The following CA8 variants were observed in gnomAD, a reference collection of about 807,000 sequenced individuals.
The protein encoded by CA8 is carbonic anhydrase 8 (inactive).
Under a neutral mutation model 41.4 loss-of-function variants are expected in CA8, and 22 were observed. The observed-to-expected ratio is 0.53, with a 90% CI of 0.38 to 0.76. CA8 has a LOEUF of 0.76. Ranked by LOEUF, CA8 falls within the 30% of genes least tolerant of loss-of-function variation. The pLI, the probability that CA8 is intolerant of heterozygous loss-of-function variation, is 0.00. For missense variants in CA8, 270 were observed against 352.8 expected, an observed-to-expected ratio of 0.77 and a Z score of 1.88; for synonymous variants, 121 against 130.6, an observed-to-expected ratio of 0.93 and a Z score of 0.50.
chr8:60,278,710 A>G (rs1387910127), intron 2 of CA8, among the ~76,000 whole-genome samples: 1 of 152,222 alleles, frequency 6.6e-6, no homozygotes, highest in East Asian at 1.9e-4. Context: ...ATCTATGACT[A>G]TCTCATGGAT....
intron 4 of CA8, among the ~76,000 whole-genome samples, chr8:60,230,044 G>T (rs556526864): frequency 1.4e-4 from 21 of 152,226 alleles, no homozygotes; most frequent in Non-Finnish European, 1.0e-4. Context: ...TCCCCTTCTG[G>T]TCTATTTCAA....
At chr8:60,255,750 T>C (rs536114705) in intron 3 of CA8, among the ~76,000 whole-genome samples, 2 of 152,314 alleles carry the variant, frequency 1.3e-5, no homozygotes, top group African/African-American at 2.4e-5. Context: ...AACAAAACTA[T>C]ACTGCCCTAT....
rs192069234 is a variant in CA8, at chr8:60,273,991, C to G, written c.292+5698G>C. 3.1e-3 allele frequency among the ~76,000 whole-genome samples: 466 copies of G among 152,270 alleles called. 2 individuals are homozygous for G. The highest frequency in any genetic ancestry group is 4.8e-3 in the Non-Finnish European group (324 of 68,022). On this transcript the variant is annotated intron_variant, in intron 2 of 8. Transcript: ENST00000317995. The stretch of plus-strand genomic sequence containing the variant: ...TAAATTATACTACAACTGTTCTAAA[C>G]CTTTTTGGCAATTATTTATGATTTG...
intron 3 of CA8, among the ~76,000 whole-genome samples, chr8:60,240,046 G>A (rs565696302): frequency 1.6e-4 from 25 of 152,278 alleles, no homozygotes; most frequent in African/African-American, 4.1e-4. Context: ...AGAAACTGAC[G>A]GGGGACCAAA....
intron 1 of CA8, 124 bp from the exon 2 acceptor site, chr8:60,280,004 A>G: frequency 1.4e-6 from 1 of 698,036 alleles, no homozygotes; most frequent in Non-Finnish European, 2.3e-6. Context: ...CCATCACTAT[A>G]CAGATGAAAT....
chr8:60,268,454 C>G (rs1328700793), intron 2 of CA8, among the ~76,000 whole-genome samples: 3 of 152,164 alleles, frequency 2.0e-5, no homozygotes, highest in Non-Finnish European at 4.4e-5. Context: ...TTTCAGGGAA[C>G]CATAAAGAGA....
At chr8:60,200,863 G>A (rs1806405369) in intron 8 of CA8, among the ~76,000 whole-genome samples, 8 of 151,890 alleles carry the variant, frequency 5.3e-5, no homozygotes, top group Admixed American at 5.3e-4. Context: ...AGTGCTATAG[G>A]TCTTCTTGTC....
intron 3 of CA8, 108 bp from the exon 4 acceptor site, chr8:60,232,487 C>A (rs538581020): frequency 2.5e-6 from 2 of 803,874 alleles, no homozygotes; most frequent in Middle Eastern, 2.2e-4. Context: ...TCACATACCA[C>A]AAGAGGATCA....
intron 3 of CA8, among the ~76,000 whole-genome samples, chr8:60,254,457 C>T (rs1195749948): frequency 6.6e-6 from 1 of 152,172 alleles, no homozygotes; most frequent in Admixed American, 6.6e-5. Context: ...GAATAGAAAA[C>T]AGCAAGATTG....
intron 8 of CA8, among the ~76,000 whole-genome samples, chr8:60,194,330 G>C (rs1024513497): frequency 1.3e-5 from 2 of 152,116 alleles, no homozygotes; most frequent in Non-Finnish European, 1.5e-5. Flanking sequence ...TGGAGGCGGA[G>C]GGCACCGTGG....
chr8:60,271,114 G>A (rs544180184), intron 2 of CA8, among the ~76,000 whole-genome samples: 8 of 152,252 alleles, frequency 5.3e-5, no homozygotes, highest in East Asian at 3.9e-4. Flanking sequence ...AAGCCAAGGC[G>A]GGAGGATCAT....
At chr8:60,201,128 C>A (rs1302047768) in intron 8 of CA8, among the ~76,000 whole-genome samples, 3 of 152,112 alleles carry the variant, frequency 2.0e-5, no homozygotes, top group Non-Finnish European at 4.4e-5. Flanking sequence ...ATGCACGGCT[C>A]ACGTTTCAAA....
At chr8:60,191,817 C>G (rs555348674) in intron 8 of CA8, among the ~76,000 whole-genome samples, 1 of 152,232 alleles carries the variant, frequency 6.6e-6, no homozygotes, top group East Asian at 1.9e-4. Context: ...CACAGTCATT[C>G]TAATCATACG....
chr8:60,259,760 G>A (rs1251781136), intron 3 of CA8, among the ~76,000 whole-genome samples: 49 of 143,512 alleles, frequency 3.4e-4, no homozygotes, highest in Non-Finnish European at 5.7e-4. Flanking sequence ...TTTTTGCCAA[G>A]ATGTGAGAGG....
At chr8:60,190,099 G>A (rs1806072764) in intron 8 of CA8, 114 bp from the exon 9 acceptor site, 3 of 151,266 alleles carry the variant, frequency 2.0e-5, no homozygotes, top group Middle Eastern at 6.9e-3. Context: ...AATTTCATAA[G>A]AAAATGTGGA....
chr8:60,215,670 A>T (rs1337298886), intron 7 of CA8, among the ~76,000 whole-genome samples: 4 of 152,174 alleles, frequency 2.6e-5, no homozygotes, highest in Admixed American at 2.6e-4. Flanking sequence ...TACATAAGGC[A>T]TGCTAACCAG....
At chr8:60,244,033 G>A (rs1808134917) in intron 3 of CA8, among the ~76,000 whole-genome samples, 1 of 152,074 alleles carries the variant, frequency 6.6e-6, no homozygotes, top group African/African-American at 2.4e-5. Flanking sequence ...ATATTTTAAA[G>A]TTAGCATTTA....
Position 60,208,853 on chromosome 8 carries a change from T to A in CA8, c.805A>T (p.Ile269Phe). The change falls in exon 8 of 9, where the codon ATT (isoleucine) becomes TTT (phenylalanine). Residue 269 changes from isoleucine (I) to phenylalanine (F), a missense_variant. This residue lies in a region of CA8 where 141 missense variants were observed against 191.6 expected (regional missense o/e 0.74). Transcript: ENST00000317995. ...GTGGGCCGAAAGTTGTCTCCCAAAA[T>A]CCCATCACAGCCTTCCACAAGTTCT... ...GAELVEGCDG[I>F]LGDNFRPTQP... The A allele has an allele frequency of 6.2e-7, 1 of 1,614,106 alleles. No homozygotes were observed. The highest frequency in any genetic ancestry group is 8.5e-7 in the Non-Finnish European group (1 of 1,179,986).
chr8:60,279,710 C>G lies in CA8; in HGVS notation c.271G>C (p.Val91Leu). 1 of 1,614,122 alleles carries G rather than the reference C, an allele frequency of 6.2e-7. No homozygotes were observed. The highest frequency in any genetic ancestry group is 1.1e-5 in the South Asian group (1 of 91,082). ...EVTNDGHTIQ[V>L]ILKSKSVLSG... The stretch of plus-strand genomic sequence containing the variant: ...ATACCTGATTTTGACTTCAGGATAA[C>G]CTGAATGGTATGTCCATCATTGGTG... Residue 91 changes from valine (V) to leucine (L), a missense_variant, in exon 2 of 9, where the codon GTT (valine) becomes CTT (leucine). By Grantham distance (32) the Val-to-Leu change is conservative. This residue lies in a region of CA8 where 123 missense variants were observed against 136.8 expected (regional missense o/e 0.90). Coordinates refer to ENST00000317995, the MANE Select transcript of CA8 (RefSeq NM_004056.6).
Sources: allele counts gnomAD v4.1 joint callset (sites outside exome capture counted in the v4.1 genomes callset), GRCh38; gene constraint gnomAD v4.1.1; regional missense constraint gnomAD v4.1.1; transcripts MANE v1.5; gene names NCBI Gene and HGNC (gene_info 2026-07-23, HGNC 2026-07-21).